The following MYO5B variants were observed in gnomAD, a reference collection of about 807,000 sequenced individuals.
MYO5B encodes the protein unconventional myosin-Vb.
A neutral mutation model predicts 229.3 loss-of-function variants in MYO5B; 143 were observed. The ratio of observed to expected loss-of-function variants is 0.62; its 90% CI spans 0.54 to 0.72. The LOEUF (loss-of-function observed/expected upper bound fraction) is 0.72. MYO5B is among the 30% of genes least tolerant of loss of function. MYO5B has a pLI of 0.00. For synonymous variants in MYO5B, 918 were observed against 885.2 expected, an observed-to-expected ratio of 1.04 and a Z score of -0.66; for missense variants, 2,321 against 2,331.0, an observed-to-expected ratio of 1.00 and a Z score of 0.09.
Position 50,194,738 on chromosome 18 carries a change from CG to C in MYO5B, c.27+28del, listed in dbSNP as rs776079996. ...GGCCCCGAGCGCGCCACCCCGGCCCCGGGGCGCCTCCCTCGCGGCCGCGCTC... is the reference window on the plus strand; with the variant it reads ...GGCCCCGAGCGCGCCACCCCGGCCCCGGGCGCCTCCCTCGCGGCCGCGCTC... On this transcript the variant is annotated intron_variant, in intron 1 of 39. Transcript: ENST00000285039. The C allele has an allele frequency of 8.6e-5, 125 of 1,459,318 alleles. No individual in the cohort carries two copies. In the East Asian group the frequency reaches 2.2e-3, roughly 25 times the overall value. The allele number at this position is 1,459,318 out of a possible 1,614,324, so 90.4% of individuals were successfully genotyped here.
intron 9 of MYO5B, among the ~76,000 whole-genome samples, chr18:49,978,730 CACACACACACA>C (rs2025781438): frequency 2.0e-5 from 3 of 147,588 alleles, no homozygotes; most frequent in Non-Finnish European, 3.0e-5. Context: ...CACACACACA[CACACACACACA>C]CACAAAATGC....
At chr18:50,027,502 A>T (rs1171009628) in intron 4 of MYO5B, among the ~76,000 whole-genome samples, 2 of 152,186 alleles carry the variant, frequency 1.3e-5, no homozygotes, top group Non-Finnish European at 2.9e-5. Context: ...GACCCGGGTG[A>T]AGCTAGGACG....
At chr18:50,145,477 A>G in intron 1 of MYO5B, among the ~76,000 whole-genome samples, 2 of 120,312 alleles carry the variant, frequency 1.7e-5, no homozygotes, top group South Asian at 3.0e-4. Flanking sequence ...CAGCCTGGGC[A>G]ACAGAGCAAG....
intron 10 of MYO5B, among the ~76,000 whole-genome samples, chr18:49,966,871 T>G (rs1190592168): frequency 2.6e-5 from 4 of 152,220 alleles, no homozygotes; most frequent in Non-Finnish European, 5.9e-5. Context: ...ACATCTAAAA[T>G]GACAGACCTC....
chr18:49,840,979 A>C (rs573019987), intron 35 of MYO5B, among the ~76,000 whole-genome samples: 120 of 152,290 alleles, frequency 7.9e-4, no homozygotes, highest in Middle Eastern at 3.4e-3. Context: ...TTGGCTTAGG[A>C]GACAGGGTGA....
chr18:50,081,334 C>A lies in MYO5B; in HGVS notation c.28-25956G>T, dbSNP rs545303086. On this transcript the variant is annotated intron_variant, in intron 1 of 39. Transcript: ENST00000285039. The stretch of plus-strand genomic sequence containing the variant: ...TGCTCCCAATGGGAGGCTGCCCAAC[C>A]CTTAGGAAAACAAAGACCTACTATT... Among the ~76,000 whole-genome samples, 27 of 152,278 alleles carry A rather than the reference C, an allele frequency of 1.8e-4. No homozygotes were observed. The South Asian group carries it at 5.6e-3, about 32-fold the overall frequency.
intron 1 of MYO5B, among the ~76,000 whole-genome samples, chr18:50,097,874 C>G (rs1192122806): frequency 6.6e-6 from 1 of 152,148 alleles, no homozygotes; most frequent in Non-Finnish European, 1.5e-5. Flanking sequence ...TGAGGAGGAG[C>G]AGAGAATGAA....
At position 49,836,349 on chromosome 18, in the gene MYO5B, G is replaced by A. The variant is rs181765968; in HGVS notation, c.5313+362C>T. Among the ~76,000 whole-genome samples, 30 of 152,304 alleles carry A rather than the reference G, an allele frequency of 2.0e-4. No homozygotes were observed. In the East Asian group the frequency reaches 3.3e-3, roughly 17 times the overall value. On this transcript the variant is annotated intron_variant, in intron 38 of 39. Transcript: ENST00000285039. ...ATATTTGTAAAGAAAGCAAATACCT[G>A]ATGCTGCCAATTTCTGAAAATTTGT...
Position 49,875,761 on chromosome 18 carries a change from C to G in MYO5B, c.3463G>C (p.Glu1155Gln), listed in dbSNP as rs2024513775. Reference protein sequence around the residue: ...VFLKLQKRVRELEQERKKLQV... With the variant: ...VFLKLQKRVRQLEQERKKLQV... ...AGCTTTTTCCTCTCCTGCTCCAGCT[C>G]CCGTACTCTCTTCTGCAGCTTCAGG... Residue 1155 changes from glutamate to glutamine, a missense_variant, in exon 26 of 40, where the codon GAG becomes CAG. Coordinates refer to ENST00000285039, the MANE Select transcript of MYO5B (RefSeq NM_001080467.3). The G allele has an allele frequency of 3.1e-6, 5 of 1,614,216 alleles. No homozygotes were observed. The highest frequency in any genetic ancestry group is 4.2e-6 in the Non-Finnish European group (5 of 1,180,038).
chr18:50,027,129 A>T (rs916507482), intron 4 of MYO5B, among the ~76,000 whole-genome samples: 2 of 152,228 alleles, frequency 1.3e-5, no homozygotes, highest in African/African-American at 4.8e-5. Flanking sequence ...CTACGAGGTA[A>T]ATAGCAATGC....
At chr18:49,927,027 ATATTGT>A (rs1291941409) in intron 17 of MYO5B, among the ~76,000 whole-genome samples, 2 of 152,208 alleles carry the variant, frequency 1.3e-5, no homozygotes, top group Non-Finnish European at 2.9e-5. Context: ...GAATAGGGAA[ATATTGT>A]TAATGCCGCA....
intron 18 of MYO5B, among the ~76,000 whole-genome samples, chr18:49,907,956 G>A (rs938591844): frequency 4.6e-5 from 7 of 152,316 alleles, no homozygotes; most frequent in South Asian, 4.1e-4. Context: ...AGGCAGCCAC[G>A]GCCCTGCTTT....
chr18:50,156,317 T>C (rs1474059280), intron 1 of MYO5B, among the ~76,000 whole-genome samples: 1 of 152,208 alleles, frequency 6.6e-6, no homozygotes, highest in Admixed American at 6.5e-5. Context: ...CCAAATCTCA[T>C]CTTGAACTAT....
intron 20 of MYO5B, among the ~76,000 whole-genome samples, 189 bp downstream of exon 20, chr18:49,904,483 A>C (rs2024877047): frequency 6.6e-6 from 1 of 152,254 alleles, no homozygotes; most frequent in African/African-American, 2.4e-5. Flanking sequence ...CATTTAATGG[A>C]CTAAGACAAC....
At chr18:50,166,594 T>C (rs1265088221) in intron 1 of MYO5B, among the ~76,000 whole-genome samples, 2 of 152,166 alleles carry the variant, frequency 1.3e-5, no homozygotes, top group Non-Finnish European at 2.9e-5. Flanking sequence ...CACAAGCTCA[T>C]TGAAAAAGTA....
At chr18:49,971,252 G>A (rs1328080065) in intron 10 of MYO5B, among the ~76,000 whole-genome samples, 5 of 152,226 alleles carry the variant, frequency 3.3e-5, no homozygotes, top group Non-Finnish European at 7.3e-5. Context: ...AAGGAGGTGA[G>A]TAGAGAGGGC....
chr18:50,034,262 T>C (rs1396708137), intron 4 of MYO5B, among the ~76,000 whole-genome samples: 1 of 152,196 alleles, frequency 6.6e-6, no homozygotes, highest in Non-Finnish European at 1.5e-5. Flanking sequence ...CAAGTACTGT[T>C]GAATGAATGT....
intron 1 of MYO5B, among the ~76,000 whole-genome samples, chr18:50,130,055 C>G (rs2032229570): frequency 6.6e-6 from 1 of 152,156 alleles, no homozygotes; most frequent in African/African-American, 2.4e-5. Flanking sequence ...TTCAGCACAG[C>G]CTGCACTGAA....
At chr18:50,071,906 C>T (rs1031234826) in intron 1 of MYO5B, among the ~76,000 whole-genome samples, 6 of 152,230 alleles carry the variant, frequency 3.9e-5, no homozygotes, top group Admixed American at 1.3e-4. Context: ...TGCTCCAGCC[C>T]CATTTCTGTT....
Sources: allele counts gnomAD v4.1 joint callset (sites outside exome capture counted in the v4.1 genomes callset), GRCh38; gene constraint gnomAD v4.1.1; transcripts MANE v1.5; gene names NCBI Gene and HGNC (gene_info 2026-07-23, HGNC 2026-07-21).